The following MCCC1 variants were observed in gnomAD, a reference collection of about 807,000 sequenced individuals.
MCCC1 encodes methylcrotonyl-CoA carboxylase subunit 1.
A neutral mutation model predicts 83.8 loss-of-function variants in MCCC1; 64 were observed. The ratio of observed to expected loss-of-function variants is 0.76; its 90% CI spans 0.62 to 0.94. The LOEUF (loss-of-function observed/expected upper bound fraction) is 0.94, where lower values mean the gene tolerates loss of function less well. MCCC1 is among the 40% of genes least tolerant of loss of function. The probability of loss-of-function intolerance (pLI) is 0.00; values close to 1 mark genes in which losing one functional copy is unlikely to be tolerated. For missense variants in MCCC1, 807 were observed against 904.7 expected, an observed-to-expected ratio of 0.89 and a Z score of 1.39; for synonymous variants, 322 against 315.4, an observed-to-expected ratio of 1.02 and a Z score of -0.22.
At chr3:183,036,520 G>A (rs1237427494) in intron 13 of MCCC1, among the ~76,000 whole-genome samples, 1 of 146,158 alleles carries the variant, frequency 6.8e-6, no homozygotes, top group Non-Finnish European at 1.5e-5. Context: ...GTGTTTGACT[G>A]AAAAGAGATC....
intron 9 of MCCC1, 126 bp from the exon 10 acceptor site, chr3:183,045,666 G>T: frequency 1.0e-6 from 1 of 995,634 alleles, no homozygotes; most frequent in South Asian, 1.4e-5. Flanking sequence ...TGCATTTCAT[G>T]AAGAAAACAT....
intron 4 of MCCC1, among the ~76,000 whole-genome samples, chr3:183,078,031 A>G (rs916776093): frequency 3.9e-5 from 6 of 152,086 alleles, no homozygotes; most frequent in African/African-American, 1.4e-4. Flanking sequence ...CTTTATATAT[A>G]TATTTTGAGA....
upstream of MCCC1, chr3:183,099,594 G>T (rs1205107813): frequency 2.3e-6 from 2 of 851,378 alleles, no homozygotes; most frequent in Non-Finnish European, 3.7e-6. Context: ...ATGTGAGGGC[G>T]TCTCCACGAA....
chr3:183,070,885 A>G (rs1716617814), intron 7 of MCCC1, 114 bp downstream of exon 7: 1 of 1,265,842 alleles, frequency 7.9e-7, no homozygotes. Flanking sequence ...GAACTGGGAA[A>G]CTTGTAATAA....
intron 16 of MCCC1, 25 bp downstream of exon 16, chr3:183,022,392 G>C: frequency 1.2e-6 from 2 of 1,612,956 alleles, no homozygotes; most frequent in Non-Finnish European, 1.7e-6. Flanking sequence ...GCCCCAGGAG[G>C]GATATTATAA....
rs1712224765 is a variant in MCCC1, at chr3:183,022,355, G to T, written c.1869+62C>A. On this transcript the variant is annotated intron_variant, in intron 16 of 18. Transcript: ENST00000265594. ...TCTTTCTAATCTCTTTCAGTGGAAT[G>T]TCTCTGGTCAAACAGTTTTCTCCCA... 1.9e-6 allele frequency: 3 copies of T among 1,573,912 alleles called. No individual in the cohort carries two copies. The East Asian group carries it at 6.7e-5, about 35-fold the overall frequency.
intron 18 of MCCC1, 128 bp from the exon 19 acceptor site, chr3:183,015,694 G>T: frequency 9.5e-7 from 1 of 1,048,638 alleles, no homozygotes; most frequent in Non-Finnish European, 1.5e-6. Context: ...ATCTCTCGGT[G>T]CTTTCCAACG....
chr3:183,075,492 T>C (rs1716999088), intron 4 of MCCC1, among the ~76,000 whole-genome samples: 1 of 152,208 alleles, frequency 6.6e-6, no homozygotes, highest in South Asian at 2.1e-4. Flanking sequence ...TTCATGTTTG[T>C]TGGTCACATG....
At chr3:183,036,650 T>C (rs972664471) in intron 13 of MCCC1, among the ~76,000 whole-genome samples, 1 of 151,556 alleles carries the variant, frequency 6.6e-6, no homozygotes, top group Non-Finnish European at 1.5e-5. Flanking sequence ...AGCGATTCTC[T>C]TGTCTCAGCC....
intron 4 of MCCC1, among the ~76,000 whole-genome samples, chr3:183,080,794 G>A (rs531939468): frequency 2.0e-5 from 3 of 152,316 alleles, no homozygotes; most frequent in African/African-American, 7.2e-5. Flanking sequence ...CAATCATGGT[G>A]GAAAGGCAAG....
At chr3:183,099,500 C>A (rs1719004551), upstream of MCCC1, 33 of 1,550,364 alleles carry the variant, frequency 2.1e-5, no homozygotes, top group South Asian at 3.7e-4. Context: ...GTCCCACACG[C>A]CAAACCCGTT....
At chr3:183,085,704 T>C (rs1717845355) in intron 4 of MCCC1, among the ~76,000 whole-genome samples, 1 of 149,728 alleles carries the variant, frequency 6.7e-6, no homozygotes, top group Non-Finnish European at 1.5e-5. Context: ...CATCGTCTCC[T>C]ACCACTTTCT....
At position 183,107,275 on chromosome 3, in the gene MCCC1, G is replaced by T. The variant is rs151261989; in HGVS notation, c.-102+8199C>A. Among the ~76,000 whole-genome samples, 600 of 151,966 alleles carry T rather than the reference G, an allele frequency of 3.9e-3. 2 individuals are homozygous for T. The highest frequency in any genetic ancestry group is 0.014 in the African/African-American group (578 of 41,488). ...AAAAAAAAATTAGCTGGGCATGGTG[G>T]CATGCACCTGTAGTCCCAGCTACTG... On this transcript the variant is annotated intron_variant, in intron 1 of 17. Coordinates refer to the MCCC1 transcript ENST00000492597.
At chr3:183,089,112 C>T (rs1718129111) in intron 3 of MCCC1, among the ~76,000 whole-genome samples, 1 of 152,194 alleles carries the variant, frequency 6.6e-6, no homozygotes, top group African/African-American at 2.4e-5. Context: ...TATATATTTC[C>T]ATCAACATAC....
intron 15 of MCCC1, among the ~76,000 whole-genome samples, chr3:183,025,020 CTG>C (rs1292391535): frequency 2.0e-5 from 3 of 150,940 alleles, no homozygotes; most frequent in Non-Finnish European, 4.4e-5. Flanking sequence ...CTTGAAGACA[CTG>C]TGCCAAGTGA....
chr3:183,090,897 C>G (rs1718276383), intron 3 of MCCC1: 1 of 432,648 alleles, frequency 2.3e-6, no homozygotes, highest in Admixed American at 2.6e-5. Flanking sequence ...CGGGAAAATT[C>G]TTAAAAAGAC....
intron 5 of MCCC1, 42 bp from the exon 6 acceptor site, chr3:183,071,399 A>G (rs1244002069): frequency 1.2e-6 from 2 of 1,613,836 alleles, no homozygotes; most frequent in Admixed American, 1.7e-5. Flanking sequence ...AAATTCTACA[A>G]ATTATTTCAT....
rs78297829 is a variant in MCCC1, at chr3:183,072,742, C to A, written c.370-255G>T. ...AGCAAAACACTGACCATTTTAGTTA[C>A]TTGCAAGTATGTAATTCAGTGGCAT... is the stretch of plus-strand genomic sequence containing the variant. On this transcript the variant is annotated intron_variant, in intron 4 of 18. Transcript: ENST00000265594. 0.065 allele frequency among the ~76,000 whole-genome samples: 9,924 copies of A among 152,218 alleles called. 495 individuals carry two copies. Among genetic ancestry groups the A allele is most frequent in the African/African-American group, 0.12 (4,888 of 41,524 alleles).
At chr3:183,066,352 T>C (rs1304891899) in intron 7 of MCCC1, among the ~76,000 whole-genome samples, 3 of 152,220 alleles carry the variant, frequency 2.0e-5, no homozygotes, top group Non-Finnish European at 4.4e-5. Flanking sequence ...TCGCCCAAGC[T>C]GGAGTGCAGT....
Sources: gnomAD v4.1 joint callset for allele counts (sites outside exome capture counted in the v4.1 genomes callset) on GRCh38, gnomAD v4.1.1 for gene constraint, MANE v1.5 for transcripts, NCBI Gene and HGNC (gene_info 2026-07-23, HGNC 2026-07-21) for gene names.